Variants in JAKMIP1 observed in about 807,000 individuals in gnomAD.
JAKMIP1 encodes the protein janus kinase and microtubule interacting protein 1.
In JAKMIP1, 33 loss-of-function variants were observed where a neutral mutation model predicts 113.0. The ratio of observed to expected loss-of-function variants is 0.29; its 90% CI spans 0.22 to 0.39. JAKMIP1 has a LOEUF of 0.39. JAKMIP1 is among the 10% of genes least tolerant of loss of function. The probability of loss-of-function intolerance (pLI) is 1.00; values close to 1 mark genes in which losing one functional copy is unlikely to be tolerated. For synonymous variants in JAKMIP1, 480 were observed against 459.9 expected (o/e 1.04, Z -0.56); for missense variants, 813 against 1,080.5 (o/e 0.75, Z 3.47).
At chr4:6,117,902 C>G (rs919155433) in intron 1 of JAKMIP1, among the ~76,000 whole-genome samples, 1 of 152,254 alleles carries the variant, frequency 6.6e-6, no homozygotes, top group African/African-American at 2.4e-5. Flanking sequence ...CTCTTATTCC[C>G]TGAACAATTG....
At position 6,050,317 on chromosome 4, in the gene JAKMIP1, C is replaced by A. The variant is rs1715498860; in HGVS notation, c.1908+261G>T. 6.6e-6 allele frequency among the ~76,000 whole-genome samples: 1 copy of A among 152,224 alleles called. No homozygotes were observed. The highest frequency in any genetic ancestry group is 2.4e-5 in the African/African-American group (1 of 41,454). ...ATTTCATAGCGAAGAGGCTAAGGCT[C>A]TGAAAGTTTACAGGCCAGAGCAGTG... On this transcript the variant is annotated intron_variant, in intron 14 of 20. Transcript: ENST00000409021. This position sits in a 1 kb window ranked among gnomAD's most constrained non-coding sequence, Gnocchi z 7.4.
intron 3 of JAKMIP1, among the ~76,000 whole-genome samples, chr4:6,102,892 C>A (rs1416499477): frequency 1.3e-5 from 2 of 151,736 alleles, no homozygotes; most frequent in African/African-American, 4.8e-5. Context: ...CACCACTGCA[C>A]CCCGCTAATT....
chr4:6,192,466 T>C lies in JAKMIP1; in HGVS notation c.-148+7787A>G, dbSNP rs141000558. On this transcript the variant is annotated intron_variant, in intron 1 of 20. Coordinates refer to ENST00000409021, the MANE Select transcript of JAKMIP1 (RefSeq NM_001099433.2). The surrounding 1 kb of genome is among the most constrained non-coding windows in gnomAD (Gnocchi z 5.0). ...GCAGCACCGGCTGACAAACACCCAC[T>C]GCACGCAGACGCCACTGAGCCTGTT... is the stretch of plus-strand genomic sequence containing the variant. Among the ~76,000 whole-genome samples, 1,838 of 152,262 alleles carry C rather than the reference T, an allele frequency of 0.012. 35 individuals carry two copies. The highest frequency in any genetic ancestry group is 0.042 in the African/African-American group (1,739 of 41,538).
chr4:6,142,476 G>A lies in JAKMIP1; in HGVS notation c.-147-29479C>T, dbSNP rs566541824. 6.6e-6 allele frequency among the ~76,000 whole-genome samples: 1 copy of A among 152,286 alleles called. No individual in the cohort carries two copies. Among genetic ancestry groups the A allele is most frequent in the South Asian group, 2.1e-4 (1 of 4,822 alleles). On this transcript the variant is annotated intron_variant, in intron 1 of 20. Coordinates refer to ENST00000409021, the MANE Select transcript of JAKMIP1 (RefSeq NM_001099433.2). This position sits in a 1 kb window ranked among gnomAD's most constrained non-coding sequence, Gnocchi z 5.5. ...ACTTGTCACATGAGAGAAGTCCTAC[G>A]TACACTCAGCAATATGTAACAGTTA...
intron 12 of JAKMIP1, chr4:6,054,894 AC>A: frequency 2.2e-6 from 1 of 455,720 alleles, no homozygotes; most frequent in South Asian, 1.5e-5. Context: ...AGGTGATCCC[AC>A]CCCCGGGAGA....
intron 13 of JAKMIP1, chr4:6,053,687 G>A (rs562176682): frequency 6.5e-6 from 5 of 767,316 alleles, no homozygotes; most frequent in East Asian, 6.4e-5. Flanking sequence ...TGCAGAATGC[G>A]TACCCGGTGA....
In JAKMIP1 at chr4:6,156,345, C is replaced by T. The variant is rs1288375746; in HGVS notation, c.-147-43348G>A. Reference sequence around the variant, plus strand: ...CCCCATCATCATTTAATGAATAGCACTTTTTCCCATTTCTTTAGTGGTACA... The same window carrying T: ...CCCCATCATCATTTAATGAATAGCATTTTTTCCCATTTCTTTAGTGGTACA... On this transcript the variant is annotated intron_variant, in intron 1 of 20. Transcript: ENST00000409021. The surrounding 1 kb of genome is among the most constrained non-coding windows in gnomAD (Gnocchi z 5.0). Among the ~76,000 whole-genome samples the T allele has an allele frequency of 7.2e-5, 11 of 152,296 alleles. No homozygotes were observed. The highest frequency in any genetic ancestry group is 2.4e-4 in the African/African-American group (10 of 41,562).
chr4:6,143,376 C>G lies in JAKMIP1; in HGVS notation c.-147-30379G>C, dbSNP rs1249137515. On this transcript the variant is annotated intron_variant, in intron 1 of 20. Coordinates refer to ENST00000409021, the MANE Select transcript of JAKMIP1 (RefSeq NM_001099433.2). The surrounding 1 kb of genome is among the most constrained non-coding windows in gnomAD (Gnocchi z 4.9). ...GCCTCCTTTGCCATCAGCAAGGCCT[C>G]GAAACTCAGCTGCCACCAACTCCTC... 6.6e-6 allele frequency among the ~76,000 whole-genome samples: 1 copy of G among 152,166 alleles called. No individual in the cohort carries two copies. The highest frequency in any genetic ancestry group is 1.5e-5 in the Non-Finnish European group (1 of 68,040).
At position 6,162,543 on chromosome 4, in the gene JAKMIP1, T is replaced by C. The variant is rs115334064; in HGVS notation, c.-148+37710A>G. ...TTCCAAAAAGAGAATGCAGTATTAG[T>C]GTTCTGATTAGCAGGTTAACTTGCA... On this transcript the variant is annotated intron_variant, in intron 1 of 20. Transcript: ENST00000409021. This position sits in a 1 kb window ranked among gnomAD's most constrained non-coding sequence, Gnocchi z 5.6. 4.0e-4 allele frequency among the ~76,000 whole-genome samples: 61 copies of C among 152,268 alleles called. No individual in the cohort carries two copies. Among genetic ancestry groups the C allele is most frequent in the Middle Eastern group, 3.4e-3 (1 of 294 alleles).
chr4:6,057,140 C>T lies in JAKMIP1; in HGVS notation c.1645-381G>A, dbSNP rs370985115. Among the ~76,000 whole-genome samples the T allele has an allele frequency of 5.3e-5, 8 of 152,334 alleles. No individual in the cohort carries two copies. The East Asian group carries it at 1.4e-3, about 26-fold the overall frequency. The stretch of plus-strand genomic sequence containing the variant: ...CATGCTTTTGTTCATTCCACTCTCT[C>T]TGCCTGCGATGCCCTTCCCACGTTT... On this transcript the variant is annotated intron_variant, in intron 11 of 20. Transcript: ENST00000409021.
chr4:6,117,498 ATCACAG>A lies in JAKMIP1; in HGVS notation c.-147-4507_-147-4502del, dbSNP rs1480750894. On this transcript the variant is annotated intron_variant, in intron 1 of 20. Coordinates refer to ENST00000409021, the MANE Select transcript of JAKMIP1 (RefSeq NM_001099433.2). ...ACAAGGCAAGTGGAGACAGGGCAAG[ATCACAG>A]GACCACAGGACCAGGACCGAAGTGA... Among the ~76,000 whole-genome samples, 112 of 150,376 alleles carry A rather than the reference ATCACAG, an allele frequency of 7.4e-4. 1 individual carries two copies. The highest frequency in any genetic ancestry group is 2.5e-3 in the African/African-American group (100 of 40,330).
At chr4:6,109,368 C>T (rs543050275) in intron 2 of JAKMIP1, among the ~76,000 whole-genome samples, 211 of 151,990 alleles carry the variant, frequency 1.4e-3, no homozygotes, top group South Asian at 2.3e-3. Flanking sequence ...CTCCTGACCT[C>T]ATTATCCGCC....
At chr4:6,046,888 G>A (rs746841468) in intron 16 of JAKMIP1, among the ~76,000 whole-genome samples, 17 of 152,246 alleles carry the variant, frequency 1.1e-4, no homozygotes, top group East Asian at 3.9e-4. Flanking sequence ...GCCAGCTGGC[G>A]CCCTGGCCCT....
chr4:6,140,426 C>T lies in JAKMIP1; in HGVS notation c.-147-27429G>A, dbSNP rs902784007. On this transcript the variant is annotated intron_variant, in intron 1 of 20. Coordinates refer to ENST00000409021, the MANE Select transcript of JAKMIP1 (RefSeq NM_001099433.2). This position sits in a 1 kb window ranked among gnomAD's most constrained non-coding sequence, Gnocchi z 9.4. ...TCCCCCAAAAGGCCCACCACAGACCCACCCCAGGAGTGTGTGCTCAGGTCC... is the reference window on the plus strand; with the variant it reads ...TCCCCCAAAAGGCCCACCACAGACCTACCCCAGGAGTGTGTGCTCAGGTCC... 1.1e-4 allele frequency among the ~76,000 whole-genome samples: 17 copies of T among 152,202 alleles called. No homozygotes were observed. The highest frequency in any genetic ancestry group is 3.6e-4 in the African/African-American group (15 of 41,484).
rs138699844 is a variant in JAKMIP1, at chr4:6,080,291, C to A, written c.1123G>T (p.Ala375Ser). 1.2e-6 allele frequency: 2 copies of A among 1,614,078 alleles called. No homozygotes were observed. Among genetic ancestry groups the A allele is most frequent in the South Asian group, 1.1e-5 (1 of 91,060 alleles). ...VEMKEKLSAQ[A>S]SLKRHTSLND... ...AAGGAGGTATGCCGCTTCAGAGACG[C>A]CTGCGCTGACAGCTTTTCTTTCTGC... Residue 375 changes from alanine to serine, a missense_variant, in exon 7 of 21, where the codon GCG becomes TCG. By Grantham distance (99) the Ala-to-Ser change is moderately conservative. Coordinates refer to ENST00000409021, the MANE Select transcript of JAKMIP1 (RefSeq NM_001099433.2). The surrounding 1 kb of genome is among the most constrained non-coding windows in gnomAD (Gnocchi z 6.0).
intron 1 of JAKMIP1, among the ~76,000 whole-genome samples, chr4:6,177,724 C>A (rs1304597818): frequency 6.6e-6 from 1 of 152,258 alleles, no homozygotes; most frequent in East Asian, 1.9e-4. Context: ...ATGGCTGCAT[C>A]CCCCAAACAT....
At chr4:6,104,165 C>T (rs1713530350) in intron 3 of JAKMIP1, among the ~76,000 whole-genome samples, 1 of 152,172 alleles carries the variant, frequency 6.6e-6, no homozygotes, top group East Asian at 1.9e-4. Context: ...ATGTCATGTC[C>T]ACAGTATTCT....
chr4:6,057,095 A>G (rs1221709052), intron 11 of JAKMIP1, among the ~76,000 whole-genome samples: 1 of 152,182 alleles, frequency 6.6e-6, no homozygotes, highest in Non-Finnish European at 1.5e-5. Context: ...TACCCCGCAG[A>G]CTGGCCAGAG....
At chr4:6,113,906 C>T (rs1715335266) in intron 1 of JAKMIP1, among the ~76,000 whole-genome samples, 1 of 152,090 alleles carries the variant, frequency 6.6e-6, no homozygotes, top group South Asian at 2.1e-4. Flanking sequence ...GGATGCATTC[C>T]ATCAGGATCC....
Sources: gnomAD v4.1 joint callset for allele counts (sites outside exome capture counted in the v4.1 genomes callset) on GRCh38, gnomAD v4.1.1 for gene constraint, Gnocchi (gnomAD v3.1) non-coding constraint, MANE v1.5 for transcripts, NCBI Gene and HGNC (gene_info 2026-07-23, HGNC 2026-07-21) for gene names.